Variants in CDK15 observed in about 807,000 individuals in gnomAD.
CDK15 encodes cyclin-dependent kinase 15.
In CDK15, 62 loss-of-function variants were observed where a neutral mutation model predicts 60.3. The observed-to-expected ratio is 1.03, with a 90% CI of 0.84 to 1.27. The LOEUF (loss-of-function observed/expected upper bound fraction) is 1.27, where lower values mean the gene tolerates loss of function less well. Among genes scored for constraint, CDK15 ranks in the 50% most tolerant of loss-of-function variants. CDK15 has a pLI of 0.00. For synonymous variants in CDK15, 194 were observed against 195.7 expected (o/e 0.99, Z 0.07); for missense variants, 541 against 527.8 (o/e 1.03, Z -0.25).
At chr2:201,813,934 C>T (rs940126109) in intron 4 of CDK15, among the ~76,000 whole-genome samples, 7 of 152,146 alleles carry the variant, frequency 4.6e-5, no homozygotes, top group Non-Finnish European at 5.9e-5. Context: ...ATAATGGAAA[C>T]TGCATTAACT....
rs781136080 is a variant in CDK15, at chr2:201,835,698, C to T, written c.786C>T (p.Thr262=). 1 of 1,611,372 alleles carries T rather than the reference C, an allele frequency of 6.2e-7. No homozygotes were observed. The highest frequency in any genetic ancestry group is 8.5e-7 in the Non-Finnish European group (1 of 1,178,420). The stretch of plus-strand genomic sequence containing the variant: ...AGACATACTCTTCAGAAGTCGTGAC[C>T]CTCTGGTACCGGCCCCCTGATGCTT... The part of the protein sequence containing the change: ...PSQTYSSEVV[T]LWYRPPDALL... The change falls in exon 8 of 14, where the codon ACC becomes ACT. Residue 262 remains threonine (T), a synonymous_variant. Transcript: ENST00000652192.
intron 10 of CDK15, among the ~76,000 whole-genome samples, chr2:201,865,430 C>T (rs1698581627): frequency 1.3e-5 from 2 of 152,092 alleles, no homozygotes; most frequent in African/African-American, 2.4e-5. Flanking sequence ...CAGGCTTTAG[C>T]GGATGGGATA....
intron 10 of CDK15, among the ~76,000 whole-genome samples, chr2:201,870,850 A>G (rs1698827577): frequency 6.6e-6 from 1 of 152,230 alleles, no homozygotes; most frequent in African/African-American, 2.4e-5. Flanking sequence ...GAAATTTGAT[A>G]AAGAGCATCC....
chr2:201,864,753 G>C (rs1429358496), intron 10 of CDK15, among the ~76,000 whole-genome samples: 1 of 152,236 alleles, frequency 6.6e-6, no homozygotes, highest in Non-Finnish European at 1.5e-5. Context: ...CAGATTTATA[G>C]AGAAGGTAAT....
intron 1 of CDK15, 105 bp downstream of exon 1, chr2:201,806,892 C>G: frequency 1.1e-5 from 14 of 1,266,244 alleles, no homozygotes; most frequent in Non-Finnish European, 1.4e-5. Context: ...AGGTCTAAAC[C>G]AATAAAATGA....
chr2:201,845,095 G>A (rs375918586), intron 8 of CDK15, among the ~76,000 whole-genome samples: 3 of 152,108 alleles, frequency 2.0e-5, no homozygotes, highest in African/African-American at 7.2e-5. Flanking sequence ...GTTGCAGTGA[G>A]CTGAGATTGC....
At chr2:201,844,794 A>T (rs1013997032) in intron 8 of CDK15, among the ~76,000 whole-genome samples, 2 of 152,062 alleles carry the variant, frequency 1.3e-5, no homozygotes, top group African/African-American at 4.8e-5. Context: ...CATCTCTATT[A>T]AAAAAATTAG....
rs1266784490 is a variant in CDK15, at chr2:201,872,245, T to A, written c.1010-33T>A. 3 of 1,612,798 alleles carry A rather than the reference T, an allele frequency of 1.9e-6. 1 individual carries two copies. The South Asian group carries it at 3.3e-5, about 18-fold the overall frequency. ...TTGGCAACAGGGTTTTCGGGTGGAT[T>A]TTATTTTTTAACGCCCTCTGTATGC... On this transcript the variant is annotated intron_variant, in intron 10 of 13. Coordinates refer to ENST00000652192, the MANE Select transcript of CDK15 (RefSeq NM_001366386.2).
intron 9 of CDK15, among the ~76,000 whole-genome samples, chr2:201,849,980 A>C (rs1697835333): frequency 6.6e-6 from 1 of 152,086 alleles, no homozygotes; most frequent in South Asian, 2.1e-4. Context: ...GCCCGCCACC[A>C]CACCTGGCTA....
At chr2:201,888,696 C>A in intron 12 of CDK15, 1 of 1,312,622 alleles carries the variant, frequency 7.6e-7, no homozygotes, top group East Asian at 3.1e-5. Flanking sequence ...GCCTTCCCAG[C>A]ATGTTCTGCC....
At chr2:201,827,393 C>G (rs529331007) in intron 6 of CDK15, among the ~76,000 whole-genome samples, 1 of 152,238 alleles carries the variant, frequency 6.6e-6, no homozygotes, top group East Asian at 1.9e-4. Context: ...TAAGGTGAGC[C>G]ATGATCACAC....
intron 10 of CDK15, among the ~76,000 whole-genome samples, chr2:201,858,878 G>T (rs896008172): frequency 6.6e-6 from 1 of 152,126 alleles, no homozygotes; most frequent in South Asian, 2.1e-4. Context: ...AAAGAAGTGG[G>T]TGTTGCTCTG....
chr2:201,892,492 A>G (rs1699669684), intron 13 of CDK15, among the ~76,000 whole-genome samples: 1 of 152,212 alleles, frequency 6.6e-6, no homozygotes, highest in African/African-American at 2.4e-5. Flanking sequence ...CTACCTGTAG[A>G]CATAAATTGG....
intron 13 of CDK15, among the ~76,000 whole-genome samples, chr2:201,891,580 G>A (rs1239954996): frequency 1.3e-5 from 2 of 152,098 alleles, no homozygotes; most frequent in African/African-American, 2.4e-5. Context: ...GTAATCTTGA[G>A]GAGGAAGGGG....
chr2:201,888,641 T>C (rs1267838534), intron 12 of CDK15: 1 of 1,387,268 alleles, frequency 7.2e-7, no homozygotes, highest in Non-Finnish European at 9.3e-7. Context: ...GGAAGGAGAG[T>C]CTGGCAGTCC....
In CDK15 at chr2:201,823,641, C is replaced by A. The variant is rs748510409; in HGVS notation, c.544-24C>A. The stretch of plus-strand genomic sequence containing the variant: ...TAAGCACCACTAAATTCACTCACTT[C>A]TCTTTCTCCGCTGTTTTATTTAGCA... On this transcript the variant is annotated intron_variant, in intron 5 of 13. Coordinates refer to ENST00000652192, the MANE Select transcript of CDK15 (RefSeq NM_001366386.2). 7 of 1,609,188 alleles carry A rather than the reference C, an allele frequency of 4.4e-6. No individual in the cohort carries two copies. In the South Asian group the frequency reaches 7.7e-5, roughly 18 times the overall value.
intron 10 of CDK15, among the ~76,000 whole-genome samples, chr2:201,865,208 T>A (rs139437805): frequency 2.0e-5 from 3 of 152,276 alleles, no homozygotes; most frequent in Non-Finnish European, 4.4e-5. Context: ...TACAAGGAGT[T>A]GTCAATGTCA....
At chr2:201,876,499 A>G (rs1182596189) in intron 11 of CDK15, 9 of 982,104 alleles carry the variant, frequency 9.2e-6, no homozygotes, top group Non-Finnish European at 1.3e-5. Flanking sequence ...TGTACAGGGG[A>G]GACCGACACA....
At chr2:201,838,828 C>T (rs1697240527) in intron 8 of CDK15, among the ~76,000 whole-genome samples, 1 of 152,196 alleles carries the variant, frequency 6.6e-6, no homozygotes, top group African/African-American at 2.4e-5. Context: ...CACTAGAAGG[C>T]CTTCTACCAA....
Sources: gnomAD v4.1 joint callset for allele counts (sites outside exome capture counted in the v4.1 genomes callset) on GRCh38, gnomAD v4.1.1 for gene constraint, MANE v1.5 for transcripts, NCBI Gene and HGNC (gene_info 2026-07-23, HGNC 2026-07-21) for gene names.